Variants in KCNH1 observed in about 807,000 individuals in gnomAD.
KCNH1 encodes voltage-gated delayed rectifier potassium channel KCNH1.
Under a neutral mutation model 69.2 loss-of-function variants are expected in KCNH1, and 27 were observed. The ratio of observed to expected loss-of-function variants is 0.39; its 90% CI spans 0.29 to 0.54. The LOEUF (loss-of-function observed/expected upper bound fraction) is 0.54, where lower values mean the gene tolerates loss of function less well. Ranked by LOEUF, KCNH1 falls within the 20% of genes least tolerant of loss-of-function variation. The pLI, the probability that KCNH1 is intolerant of heterozygous loss-of-function variation, is 0.68. For missense variants in KCNH1, 798 were observed against 1,261.6 expected (o/e 0.63, Z 5.57); for synonymous variants, 456 against 487.7 (o/e 0.93, Z 0.86).
intron 10 of KCNH1, among the ~76,000 whole-genome samples, chr1:210,714,417 G>C (rs1488050713): frequency 6.6e-6 from 1 of 152,058 alleles, no homozygotes; most frequent in Non-Finnish European, 1.5e-5. Flanking sequence ...CTTTACCTGG[G>C]GTTGGGGCCT....
chr1:210,898,685 G>C (rs1686926178), intron 7 of KCNH1, among the ~76,000 whole-genome samples: 1 of 151,894 alleles, frequency 6.6e-6, no homozygotes, highest in African/African-American at 2.4e-5. Context: ...TGGCGGCGGG[G>C]GGGGGTCCTG....
intron 7 of KCNH1, among the ~76,000 whole-genome samples, chr1:210,911,300 C>T (rs978939237): frequency 6.6e-6 from 1 of 152,168 alleles, no homozygotes; most frequent in African/African-American, 2.4e-5. Flanking sequence ...GTGCCCATAA[C>T]AAGCTGTCCT....
chr1:210,715,521 A>AC (rs1558436311), intron 10 of KCNH1, among the ~76,000 whole-genome samples: 67 of 143,234 alleles, frequency 4.7e-4, no homozygotes, highest in African/African-American at 2.0e-3. Context: ...ATTAAACAAA[A>AC]AAAAAAAAAA....
intron 7 of KCNH1, among the ~76,000 whole-genome samples, chr1:210,896,692 A>T (rs963908486): frequency 1.3e-5 from 2 of 152,182 alleles, no homozygotes; most frequent in African/African-American, 4.8e-5. Flanking sequence ...AACTCAGCGG[A>T]AAGTTTAGCT....
chr1:210,958,626 C>A (rs894126650), intron 6 of KCNH1, among the ~76,000 whole-genome samples: 6 of 152,144 alleles, frequency 3.9e-5, no homozygotes, highest in Admixed American at 6.5e-5. Context: ...TCTTTTTTCT[C>A]TAATCTTGTC....
intron 10 of KCNH1, among the ~76,000 whole-genome samples, chr1:210,716,478 G>GAAAC (rs1178152611): frequency 6.7e-6 from 1 of 148,310 alleles, no homozygotes; most frequent in African/African-American, 2.5e-5. Flanking sequence ...AGACTTTTCT[G>GAAAC]AAACACATCA....
At position 211,008,692 on chromosome 1, in the gene KCNH1, T is replaced by G. The variant is rs192996153; in HGVS notation, c.1032+10091A>C. ...GTCTAGGATAAAATGGAGGAGAACC[T>G]TCTAGGGTGCTGGAGAAATCCGATG... On this transcript the variant is annotated intron_variant, in intron 6 of 10. Coordinates refer to ENST00000271751, the MANE Select transcript of KCNH1 (RefSeq NM_172362.3). Among the ~76,000 whole-genome samples the G allele has an allele frequency of 2.1e-3, 313 of 152,356 alleles. 2 individuals carry two copies. The highest frequency in any genetic ancestry group is 7.4e-3 in the African/African-American group (308 of 41,592).
At chr1:210,940,671 A>C (rs144302886) in intron 6 of KCNH1, among the ~76,000 whole-genome samples, 324 of 152,330 alleles carry the variant, frequency 2.1e-3, no homozygotes, top group African/African-American at 7.4e-3. Flanking sequence ...GTGATAATTT[A>C]TGGCTTTTTC....
intron 10 of KCNH1, among the ~76,000 whole-genome samples, chr1:210,749,130 A>G (rs1471038366): frequency 6.6e-6 from 1 of 152,096 alleles, no homozygotes; most frequent in Non-Finnish European, 1.5e-5. Context: ...CGTCTTGCTC[A>G]AATGCCACCA....
chr1:210,990,283 C>G lies in KCNH1; in HGVS notation c.1032+28500G>C, dbSNP rs1269842836. Among the ~76,000 whole-genome samples the G allele has an allele frequency of 6.6e-5, 10 of 152,190 alleles. No individual in the cohort carries two copies. The East Asian group carries it at 1.9e-3, about 29-fold the overall frequency. On this transcript the variant is annotated intron_variant, in intron 6 of 10. Transcript: ENST00000271751. ...GGGTATAATGGCTAAGCTGCCAACACCAAGGGCTGTGAGTCCTAATTATTG... is the reference window on the plus strand; with the variant it reads ...GGGTATAATGGCTAAGCTGCCAACAGCAAGGGCTGTGAGTCCTAATTATTG...
intron 6 of KCNH1, among the ~76,000 whole-genome samples, chr1:210,950,611 T>C (rs1688047326): frequency 6.6e-6 from 1 of 151,742 alleles, no homozygotes; most frequent in Non-Finnish European, 1.5e-5. Context: ...CTTAATCCAG[T>C]CTATCATTGT....
At chr1:210,971,384 G>C (rs1348800999) in intron 6 of KCNH1, among the ~76,000 whole-genome samples, 1 of 152,106 alleles carries the variant, frequency 6.6e-6, no homozygotes, top group Non-Finnish European at 1.5e-5. Context: ...GCTCAAGAAA[G>C]CAATTGTTAA....
intron 5 of KCNH1, among the ~76,000 whole-genome samples, chr1:211,045,338 G>A (rs1475689384): frequency 6.6e-6 from 1 of 151,606 alleles, no homozygotes; most frequent in Non-Finnish European, 1.5e-5. Flanking sequence ...GGTGATGGGT[G>A]CACCAAAATC....
chr1:211,060,733 C>A (rs1196159014), intron 5 of KCNH1, among the ~76,000 whole-genome samples: 3 of 152,096 alleles, frequency 2.0e-5, no homozygotes. Context: ...AATTCCTAGA[C>A]ATATACAACC....
chr1:210,886,040 T>A (rs1249397568), intron 7 of KCNH1, among the ~76,000 whole-genome samples: 1 of 152,144 alleles, frequency 6.6e-6, no homozygotes, highest in East Asian at 1.9e-4. Flanking sequence ...GCACTTGAGC[T>A]CTGCTAAGGG....
At chr1:210,986,846 G>A (rs2102384787) in intron 6 of KCNH1, among the ~76,000 whole-genome samples, 1 of 152,234 alleles carries the variant, frequency 6.6e-6, no homozygotes, top group South Asian at 2.1e-4. Context: ...GCTAGATTGG[G>A]GAAGTTCTCC....
At chr1:210,912,291 C>T (rs1687250266) in intron 7 of KCNH1, among the ~76,000 whole-genome samples, 1 of 152,170 alleles carries the variant, frequency 6.6e-6, no homozygotes, top group African/African-American at 2.4e-5. Flanking sequence ...CCGTGAAGAT[C>T]CTGCCAGTCA....
At chr1:210,918,884 G>A (rs1377391232) in intron 7 of KCNH1, 4 of 152,074 alleles carry the variant, frequency 2.6e-5, no homozygotes, top group Admixed American at 6.6e-5. Context: ...TTACTTAACC[G>A]ATACATCAGA....
chr1:210,730,154 A>C (rs1682709040), intron 10 of KCNH1, among the ~76,000 whole-genome samples: 1 of 152,206 alleles, frequency 6.6e-6, no homozygotes, highest in Admixed American at 6.5e-5. Flanking sequence ...AGTGCTAAGG[A>C]CAGTGCCTGG....
Sources: gnomAD v4.1 joint callset for allele counts (sites outside exome capture counted in the v4.1 genomes callset) on GRCh38, gnomAD v4.1.1 for gene constraint, MANE v1.5 for transcripts, NCBI Gene and HGNC (gene_info 2026-07-23, HGNC 2026-07-21) for gene names.